Variants in NHSL1 observed in about 807,000 individuals in gnomAD.
NHSL1 encodes the protein NHS like 1, also known as NHS-like protein 1.
Under a neutral mutation model 95.0 loss-of-function variants are expected in NHSL1, and 48 were observed. That is an observed-to-expected ratio of 0.51 (90% CI 0.40 to 0.64). The LOEUF is 0.64. Ranked by LOEUF, NHSL1 falls within the 30% of genes least tolerant of loss-of-function variation. The pLI is 0.00. For synonymous variants in NHSL1, 783 were observed against 833.9 expected, an observed-to-expected ratio of 0.94 and a Z score of 1.05; for missense variants, 1,971 against 2,077.7, an observed-to-expected ratio of 0.95 and a Z score of 1.00.
At chr6:138,592,417 G>A (rs1204705449) in intron 1 of NHSL1, among the ~76,000 whole-genome samples, 3 of 152,070 alleles carry the variant, frequency 2.0e-5, no homozygotes, top group African/African-American at 4.8e-5. Context: ...TGGCCAGCAT[G>A]GGGAAACCCC....
intron 1 of NHSL1, among the ~76,000 whole-genome samples, chr6:138,592,476 T>A (rs1562385671): frequency 6.6e-6 from 1 of 152,048 alleles, no homozygotes; most frequent in African/African-American, 2.4e-5. Flanking sequence ...CAGGCGCCCG[T>A]AATCCCAGCT....
At chr6:138,619,947 C>CAAAA (rs11376703) in intron 1 of NHSL1, among the ~76,000 whole-genome samples, 147 of 101,980 alleles carry the variant, frequency 1.4e-3, no homozygotes, top group African/African-American at 3.8e-3. Context: ...AACTCTATCA[C>CAAAA]AAAAAAAAAA....
chr6:138,601,193 G>A (rs1209642872), intron 1 of NHSL1, among the ~76,000 whole-genome samples: 3 of 152,232 alleles, frequency 2.0e-5, no homozygotes, highest in Non-Finnish European at 4.4e-5. Context: ...GGATTGTTGG[G>A]AATCTTTTGA....
chr6:138,639,176 A>G (rs1402978362), intron 1 of NHSL1, among the ~76,000 whole-genome samples: 2 of 152,226 alleles, frequency 1.3e-5, no homozygotes, highest in African/African-American at 4.8e-5. Flanking sequence ...CTGTCAAATT[A>G]CTTCTTTTCT....
intron 1 of NHSL1, among the ~76,000 whole-genome samples, chr6:138,615,460 C>A (rs1360930849): frequency 6.6e-6 from 1 of 152,056 alleles, no homozygotes; most frequent in East Asian, 1.9e-4. Context: ...CCCAAGCATG[C>A]AAGCAAGTCA....
intron 3 of NHSL1, among the ~76,000 whole-genome samples, chr6:138,467,732 A>T (rs1343910579): frequency 6.6e-6 from 1 of 152,210 alleles, no homozygotes; most frequent in East Asian, 1.9e-4. Flanking sequence ...AAAGGAAAAC[A>T]TTTTAAATAG....
chr6:138,470,042 TATA>T (rs1778651919), intron 3 of NHSL1, among the ~76,000 whole-genome samples: 1 of 152,154 alleles, frequency 6.6e-6, no homozygotes, highest in Non-Finnish European at 1.5e-5. Flanking sequence ...TTAATTAGTA[TATA>T]ATAATGTCTA....
chr6:138,585,391 GA>G (rs1204940218), intron 1 of NHSL1, among the ~76,000 whole-genome samples: 1 of 152,168 alleles, frequency 6.6e-6, no homozygotes, highest in East Asian at 1.9e-4. Context: ...ACCTACTTGT[GA>G]GGCATATTTT....
intron 1 of NHSL1, among the ~76,000 whole-genome samples, chr6:138,630,655 G>T (rs1324488200): frequency 6.6e-6 from 1 of 152,176 alleles, no homozygotes; most frequent in Non-Finnish European, 1.5e-5. Flanking sequence ...AAAATGCTGG[G>T]ATTACAGGCG....
chr6:138,627,586 T>C (rs1233620015), intron 1 of NHSL1, among the ~76,000 whole-genome samples: 4 of 152,174 alleles, frequency 2.6e-5, no homozygotes, highest in African/African-American at 4.8e-5. Context: ...ATACCAGATA[T>C]AAGAAATTCA....
At chr6:138,450,815 A>G (rs10499200) in intron 3 of NHSL1, among the ~76,000 whole-genome samples, 19,933 of 152,170 alleles carry the variant, frequency 0.13, 1,335 homozygotes, top group Middle Eastern at 0.17. Flanking sequence ...GACTTCCACA[A>G]TGATATGACT....
At chr6:138,618,000 T>C (rs1784604176) in intron 1 of NHSL1, among the ~76,000 whole-genome samples, 1 of 152,164 alleles carries the variant, frequency 6.6e-6, no homozygotes, top group African/African-American at 2.4e-5. Context: ...TAAGAAGAAG[T>C]GTCAAAAATA....
Position 138,423,959 on chromosome 6 carries a change from C to T in NHSL1, c.*122G>A, listed in dbSNP as rs1775071075. Reference sequence around the variant, plus strand: ...CACTGCAGGGCTGGCAACCCCGGGGCCCACAGCACAGAAGCAGAGTGGGCT... The same window carrying T: ...CACTGCAGGGCTGGCAACCCCGGGGTCCACAGCACAGAAGCAGAGTGGGCT... On this transcript the variant is annotated 3_prime_UTR_variant, in exon 8 of 8. Coordinates refer to ENST00000343505, the MANE Select transcript of NHSL1 (RefSeq NM_001144060.2). 1 of 1,046,476 alleles carries T rather than the reference C, an allele frequency of 9.6e-7. No homozygotes were observed. The highest frequency in any genetic ancestry group is 4.5e-5 in the South Asian group (1 of 22,394). 64.8% of individuals were successfully genotyped at this position (1,046,476 alleles called of 1,614,324 possible).
At chr6:138,525,556 T>C (rs1781867754) in intron 1 of NHSL1, among the ~76,000 whole-genome samples, 1 of 148,526 alleles carries the variant, frequency 6.7e-6, no homozygotes, top group Non-Finnish European at 1.5e-5. Context: ...AATAAATAAA[T>C]AAATAAATAA....
chr6:138,531,520 CTT>C (rs148821238), intron 1 of NHSL1, among the ~76,000 whole-genome samples: 9 of 144,736 alleles, frequency 6.2e-5, no homozygotes, highest in African/African-American at 1.0e-4. Context: ...GTTTCTCTCT[CTT>C]TTTTTTTTTT....
At chr6:138,627,071 G>C (rs1393870658) in intron 1 of NHSL1, among the ~76,000 whole-genome samples, 4 of 152,004 alleles carry the variant, frequency 2.6e-5, no homozygotes, top group Non-Finnish European at 5.9e-5. Context: ...CTATTCTAAG[G>C]GAAATAATAG....
intron 1 of NHSL1, among the ~76,000 whole-genome samples, chr6:138,670,691 A>T (rs1385651932): frequency 6.6e-6 from 1 of 150,788 alleles, no homozygotes; most frequent in Non-Finnish European, 1.5e-5. Flanking sequence ...AAAAAACTTT[A>T]AAAACTCAGT....
intron 1 of NHSL1, among the ~76,000 whole-genome samples, chr6:138,652,780 C>T (rs1785109534): frequency 6.6e-6 from 1 of 152,158 alleles, no homozygotes; most frequent in African/African-American, 2.4e-5. Flanking sequence ...TGTTTATGCA[C>T]AAGTTTCACA....
At chr6:138,636,106 TAGTG>T (rs530262027) in intron 1 of NHSL1, among the ~76,000 whole-genome samples, 1 of 134,308 alleles carries the variant, frequency 7.4e-6, no homozygotes, top group Non-Finnish European at 1.6e-5. Context: ...CTGGGCGACA[TAGTG>T]AGACTCTGTC....
Sources: allele counts gnomAD v4.1 joint callset (sites outside exome capture counted in the v4.1 genomes callset), GRCh38; gene constraint gnomAD v4.1.1; transcripts MANE v1.5; gene names NCBI Gene and HGNC (gene_info 2026-07-23, HGNC 2026-07-21).